Variants in NDC80 observed in about 807,000 individuals in gnomAD.
The protein encoded by NDC80 is NDC80 kinetochore complex component, also known as kinetochore protein NDC80 homolog.
NDC80 carries 69 observed loss-of-function variants against 89.3 expected under a neutral mutation model. The ratio of observed to expected loss-of-function variants is 0.77; its 90% CI spans 0.64 to 0.94. NDC80 has a LOEUF of 0.94. Ranked by LOEUF, NDC80 falls within the 40% of genes least tolerant of loss-of-function variation. The pLI is 0.00. For synonymous variants in NDC80, 243 were observed against 255.6 expected (o/e 0.95, Z 0.47); for missense variants, 593 against 739.6 (o/e 0.80, Z 2.30).
At position 2,601,457 on chromosome 18, in the gene NDC80, A is replaced by T; in HGVS notation, c.1436A>T (p.Lys479Ile). The change falls in exon 13 of 17, where the codon AAA becomes ATA. Residue 479 changes from lysine to isoleucine, a missense_variant. Transcript: ENST00000261597. Reference protein sequence around the residue: ...EEEINKALNKKMGLEDTLEQL... With the variant: ...EEEINKALNKIMGLEDTLEQL... ...GAAATTAATAAAGCCCTAAATAAAAAAATGGGTTTGGAGGATACTTTAGAA... is the reference window on the plus strand; with the variant it reads ...GAAATTAATAAAGCCCTAAATAAAATAATGGGTTTGGAGGATACTTTAGAA... 1 of 1,519,164 alleles carries T rather than the reference A, an allele frequency of 6.6e-7. No homozygotes were observed. The highest frequency in any genetic ancestry group is 9.0e-7 in the Non-Finnish European group (1 of 1,116,382). The allele number at this position is 1,519,164 out of a possible 1,614,324, so 94.1% of individuals were successfully genotyped here.
intron 2 of NDC80, among the ~76,000 whole-genome samples, chr18:2,574,576 T>A (rs2072536261): frequency 6.6e-6 from 1 of 152,196 alleles, no homozygotes; most frequent in Admixed American, 6.5e-5. Flanking sequence ...GTATGTTCTG[T>A]GTCTTTGGGC....
At chr18:2,572,333 A>T (rs76051747) in intron 1 of NDC80, among the ~76,000 whole-genome samples, 7 of 152,124 alleles carry the variant, frequency 4.6e-5, no homozygotes, top group African/African-American at 1.4e-4. Context: ...TAGGAGACAA[A>T]TTTTTTAGCA....
chr18:2,605,081 A>C (rs1182656041), intron 13 of NDC80, among the ~76,000 whole-genome samples: 1 of 152,202 alleles, frequency 6.6e-6, no homozygotes, highest in Non-Finnish European at 1.5e-5. Context: ...AGGTCAAGAA[A>C]GAAATCAAGA....
At chr18:2,588,690 G>C (rs1457702978) in intron 8 of NDC80, among the ~76,000 whole-genome samples, 1 of 152,132 alleles carries the variant, frequency 6.6e-6, no homozygotes, top group Non-Finnish European at 1.5e-5. Context: ...GACAATTTCA[G>C]CTTGTTCACA....
chr18:2,597,064 T>C (rs1441647575), intron 11 of NDC80, among the ~76,000 whole-genome samples: 2 of 152,152 alleles, frequency 1.3e-5, no homozygotes, highest in East Asian at 3.9e-4. Flanking sequence ...TTAGGAGATA[T>C]ACCTAATGCT....
chr18:2,590,144 G>A lies in NDC80; in HGVS notation c.997G>A (p.Glu333Lys), dbSNP rs1488082218. Residue 333 changes from glutamate (E) to lysine (K), a missense_variant, in exon 10 of 17, where the codon GAG becomes AAG. Glu to Lys is a moderately conservative substitution (Grantham distance 56). Transcript: ENST00000261597. ...ILDQKLNGLN[E>K]EIARVELECE... ...TGACCAGAAATTAAATGGTCTCAAT[G>A]AGGAAATTGCTAGAGTAGGTAAGCA... 1.2e-6 allele frequency: 2 copies of A among 1,607,440 alleles called. No homozygotes were observed. Among genetic ancestry groups the A allele is most frequent in the Non-Finnish European group, 1.7e-6 (2 of 1,177,190 alleles).
At chr18:2,573,355 C>G (rs527311979) in intron 2 of NDC80, among the ~76,000 whole-genome samples, 117 of 152,342 alleles carry the variant, frequency 7.7e-4, no homozygotes, top group African/African-American at 2.6e-3. Flanking sequence ...GTTCAGTACT[C>G]TCTTATTTTT....
Position 2,578,921 on chromosome 18 carries a change from T to C in NDC80, c.477-6T>C. 6.9e-7 allele frequency: 1 copy of C among 1,451,160 alleles called. No homozygotes were observed. Among genetic ancestry groups the C allele is most frequent in the Non-Finnish European group, 9.2e-7 (1 of 1,086,320 alleles). The allele number at this position is 1,451,160 out of a possible 1,614,324, so 89.9% of individuals were successfully genotyped here. A position where few individuals can be genotyped will look rare whatever the true frequency, so the allele number is the denominator to read the frequency against. Reference sequence around the variant, plus strand: ...AATTAGCTTATGTTTTTCTGATTTCTCATAGGTATCCTTTTGCACTATCCA... The same window carrying C: ...AATTAGCTTATGTTTTTCTGATTTCCCATAGGTATCCTTTTGCACTATCCA... On this transcript the variant is annotated splice_polypyrimidine_tract_variant and splice_region_variant and intron_variant, in intron 5 of 16. Coordinates refer to ENST00000261597, the MANE Select transcript of NDC80 (RefSeq NM_006101.3).
At chr18:2,604,621 C>T (rs2072700874) in intron 13 of NDC80, among the ~76,000 whole-genome samples, 1 of 152,164 alleles carries the variant, frequency 6.6e-6, no homozygotes, top group Non-Finnish European at 1.5e-5. Flanking sequence ...GTGGAGGCTG[C>T]AGTGAGCTGA....
chr18:2,591,807 T>A (rs1598239481), intron 10 of NDC80, among the ~76,000 whole-genome samples: 1 of 151,156 alleles, frequency 6.6e-6, no homozygotes, highest in African/African-American at 2.4e-5. Flanking sequence ...CAGGCTGAAG[T>A]GCAGTGGCAC....
At chr18:2,603,395 T>G (rs567446276) in intron 13 of NDC80, among the ~76,000 whole-genome samples, 106 of 108,838 alleles carry the variant, frequency 9.7e-4, no homozygotes, top group African/African-American at 3.7e-3. Context: ...ATGTAATATA[T>G]ATAAGCCAAA....
chr18:2,589,143 T>C (rs2072615094), intron 8 of NDC80, 61 bp from the exon 9 acceptor site: 2 of 1,105,516 alleles, frequency 1.8e-6, no homozygotes, highest in Non-Finnish European at 2.8e-6. Flanking sequence ...TGGTGAAAAC[T>C]TGGGAAAGAA....
intron 3 of NDC80, among the ~76,000 whole-genome samples, chr18:2,575,943 T>G (rs2072544263): frequency 6.6e-6 from 1 of 151,928 alleles, no homozygotes; most frequent in Non-Finnish European, 1.5e-5. Flanking sequence ...TTTTTTCAAT[T>G]TAAAAATTAG....
At chr18:2,587,517 A>C (rs2072608222) in intron 7 of NDC80, among the ~76,000 whole-genome samples, 1 of 152,234 alleles carries the variant, frequency 6.6e-6, no homozygotes. Flanking sequence ...ATGTTGAATT[A>C]CATTTATTAA....
intron 5 of NDC80, 76 bp downstream of exon 5, chr18:2,578,217 G>A: frequency 7.2e-7 from 1 of 1,384,550 alleles, no homozygotes; most frequent in Middle Eastern, 1.8e-4. Context: ...TTTGTAAAAA[G>A]TTTGAGTTAC....
chr18:2,581,012 T>C (rs924171419), intron 6 of NDC80, among the ~76,000 whole-genome samples: 2 of 151,922 alleles, frequency 1.3e-5, no homozygotes, highest in African/African-American at 4.8e-5. Flanking sequence ...AGTGCTGGGA[T>C]TACAGGCATG....
chr18:2,600,726 G>A (rs1215076915), intron 12 of NDC80, among the ~76,000 whole-genome samples: 1 of 152,122 alleles, frequency 6.6e-6, no homozygotes, highest in Non-Finnish European at 1.5e-5. Flanking sequence ...TGGCATATGG[G>A]ATTTTATTTC....
At chr18:2,598,847 T>C (rs1459208518) in intron 11 of NDC80, among the ~76,000 whole-genome samples, 172 bp from the exon 12 acceptor site, 1 of 152,210 alleles carries the variant, frequency 6.6e-6, no homozygotes, top group African/African-American at 2.4e-5. Flanking sequence ...TACTAAAACC[T>C]TATCTTCTTT....
chr18:2,578,524 A>G (rs2072560137), intron 5 of NDC80, among the ~76,000 whole-genome samples: 1 of 152,190 alleles, frequency 6.6e-6, no homozygotes, highest in South Asian at 2.1e-4. Flanking sequence ...GATACCACAG[A>G]TTTTACAGAA....
Sources: allele counts gnomAD v4.1 joint callset (sites outside exome capture counted in the v4.1 genomes callset), GRCh38; gene constraint gnomAD v4.1.1; transcripts MANE v1.5; gene names NCBI Gene and HGNC (gene_info 2026-07-23, HGNC 2026-07-21).